Variants in MALRD1 observed in about 807,000 individuals in gnomAD.
The protein encoded by MALRD1 is MAM and LDL-receptor class A domain-containing protein 1.
Under a neutral mutation model 242.1 loss-of-function variants are expected in MALRD1, and 247 were observed. The observed-to-expected ratio is 1.02, with a 90% confidence interval of 0.92 to 1.13. The LOEUF is 1.13. MALRD1 is among the 50% of genes most tolerant of loss of function. MALRD1 has a pLI of 0.00. For missense variants in MALRD1, 2,989 were observed against 2,533.1 expected (o/e 1.18, Z -3.86); for synonymous variants, 995 against 866.6 (o/e 1.15, Z -2.60).
chr10:19,395,016 T>C (rs955942943), intron 28 of MALRD1, among the ~76,000 whole-genome samples: 3 of 152,346 alleles, frequency 2.0e-5, no homozygotes, highest in Middle Eastern at 3.4e-3. Flanking sequence ...TCTCCAAGAC[T>C]ATCATGTGGA....
chr10:19,310,795 A>G (rs1195284943), intron 21 of MALRD1, among the ~76,000 whole-genome samples: 2 of 151,428 alleles, frequency 1.3e-5, no homozygotes, highest in Non-Finnish European at 3.0e-5. Flanking sequence ...GTTCAAGATC[A>G]ACTTTCCTTG....
intron 28 of MALRD1, among the ~76,000 whole-genome samples, chr10:19,422,690 A>C (rs548660832): frequency 3.9e-5 from 6 of 152,306 alleles, no homozygotes; most frequent in African/African-American, 1.4e-4. Flanking sequence ...TCATTTTCTA[A>C]GCCAGATTTC....
Position 19,324,096 on chromosome 10 carries a change from T to C in MALRD1, c.3567T>C (p.Gly1189=). 6.5e-7 allele frequency: 1 copy of C among 1,550,278 alleles called. No homozygotes were observed. The highest frequency in any genetic ancestry group is 8.7e-7 in the Non-Finnish European group (1 of 1,146,724). ...FWTHMNGATV[G]SLQVLIKKDN... is the part of the protein sequence containing the mutation. ...CACATATGAATGGGGCCACCGTTGGTTCTCTCCAGGTACTGCTTAGGCAAT... is the reference window on the plus strand; with the variant it reads ...CACATATGAATGGGGCCACCGTTGGCTCTCTCCAGGTACTGCTTAGGCAAT... Residue 1189 remains glycine (G), a synonymous_variant, in exon 22 of 40, where the codon GGT becomes GGC. Transcript: ENST00000454679.
chr10:19,599,371 A>G (rs1838249124), intron 34 of MALRD1, among the ~76,000 whole-genome samples: 1 of 152,136 alleles, frequency 6.6e-6, no homozygotes, highest in Non-Finnish European at 1.5e-5. Flanking sequence ...TTGTCTTTCC[A>G]CTGGAAACAT....
chr10:19,511,841 C>G (rs367709294), intron 31 of MALRD1, among the ~76,000 whole-genome samples: 13 of 151,802 alleles, frequency 8.6e-5, no homozygotes, highest in Admixed American at 4.6e-4. Flanking sequence ...AGAAAAGAAA[C>G]ACAGAGAAAA....
intron 2 of MALRD1, among the ~76,000 whole-genome samples, chr10:19,086,561 G>C (rs1021001139): frequency 5.1e-4 from 78 of 152,194 alleles, no homozygotes; most frequent in African/African-American, 1.8e-3. Context: ...GCATTTGAAA[G>C]CATCTGGGCT....
intron 18 of MALRD1, among the ~76,000 whole-genome samples, chr10:19,254,228 A>G (rs1839413048): frequency 6.6e-6 from 1 of 151,982 alleles, no homozygotes; most frequent in Non-Finnish European, 1.5e-5. Flanking sequence ...CAGGCTTTTG[A>G]GTCTGGCTTC....
At chr10:19,512,787 A>G (rs1744123076) in intron 31 of MALRD1, among the ~76,000 whole-genome samples, 1 of 152,120 alleles carries the variant, frequency 6.6e-6, no homozygotes, top group African/African-American at 2.4e-5. Context: ...ATGCTTACAA[A>G]CCATTTTAGC....
At position 19,166,502 on chromosome 10, in the gene MALRD1, T is replaced by C. The variant is rs141122700; in HGVS notation, c.1830+692T>C. 1.8e-3 allele frequency among the ~76,000 whole-genome samples: 276 copies of C among 152,266 alleles called. 1 individual carries two copies. The highest frequency in any genetic ancestry group is 3.4e-3 in the Non-Finnish European group (231 of 68,018). On this transcript the variant is annotated intron_variant, in intron 13 of 39. Coordinates refer to ENST00000454679, the MANE Select transcript of MALRD1 (RefSeq NM_001142308.3). ...AGTTAGTTAGATAGAAGAAATAAGCTGTAGTGTTTGATAGCACAGTAGGGC... is the reference window on the plus strand; with the variant it reads ...AGTTAGTTAGATAGAAGAAATAAGCCGTAGTGTTTGATAGCACAGTAGGGC...
intron 26 of MALRD1, among the ~76,000 whole-genome samples, chr10:19,359,842 T>G (rs1844813605): frequency 6.6e-6 from 1 of 152,084 alleles, no homozygotes; most frequent in South Asian, 2.1e-4. Context: ...CATGTAATGT[T>G]AGTCTAAAGA....
intron 33 of MALRD1, among the ~76,000 whole-genome samples, chr10:19,582,197 C>G (rs986679943): frequency 7.2e-5 from 11 of 152,008 alleles, no homozygotes; most frequent in Non-Finnish European, 1.2e-4. Flanking sequence ...ATGGTAGTTT[C>G]TTTTGCTGTG....
chr10:19,254,161 A>G (rs187437878), intron 18 of MALRD1, among the ~76,000 whole-genome samples: 1 of 152,142 alleles, frequency 6.6e-6, no homozygotes, highest in Admixed American at 6.6e-5. Flanking sequence ...AGAGTATTCT[A>G]ATACACCAAA....
In MALRD1 at chr10:19,239,003, C is replaced by T. The variant is rs188737270; in HGVS notation, c.2992-18681C>T. 2.4e-3 allele frequency among the ~76,000 whole-genome samples: 360 copies of T among 150,804 alleles called. 2 individuals carry two copies. Among genetic ancestry groups the T allele is most frequent in the African/African-American group, 8.3e-3 (343 of 41,176 alleles). ...GTTGAACATGATTTTATTATATATT[C>T]GTCTTGACCATTTCTATATTTTCTC... is the stretch of plus-strand genomic sequence containing the variant. On this transcript the variant is annotated intron_variant, in intron 18 of 39. Transcript: ENST00000454679.
intron 24 of MALRD1, 127 bp from the exon 25 acceptor site, chr10:19,347,644 A>C (rs1189060564): frequency 9.0e-7 from 1 of 1,112,432 alleles, no homozygotes; most frequent in East Asian, 2.6e-5. Flanking sequence ...ATATGTTGCT[A>C]TCAGGATAGC....
chr10:19,605,166 T>A lies in MALRD1; in HGVS notation c.5945-2611T>A, dbSNP rs35232397. On this transcript the variant is annotated intron_variant, in intron 34 of 39. Transcript: ENST00000454679. ...ATTTATTTATTTTTTTATTATTATT[T>A]TTTTTTTTTTACAGAATCTTGCTCC... 1.8e-3 allele frequency among the ~76,000 whole-genome samples: 250 copies of A among 140,876 alleles called. 1 individual carries two copies. Among genetic ancestry groups the A allele is most frequent in the Middle Eastern group, 3.9e-3 (1 of 256 alleles). 92.4% of individuals were successfully genotyped at this position (140,876 alleles called of 152,430 possible). A position where few individuals can be genotyped will look rare whatever the true frequency, so the allele number is the denominator to read the frequency against.
intron 18 of MALRD1, among the ~76,000 whole-genome samples, chr10:19,238,790 G>A (rs966894283): frequency 4.7e-5 from 7 of 149,386 alleles, no homozygotes; most frequent in East Asian, 2.0e-4. Flanking sequence ...ATTTTTTAAC[G>A]AACTTCCATA....
intron 31 of MALRD1, among the ~76,000 whole-genome samples, chr10:19,515,330 T>C (rs1833577108): frequency 6.6e-6 from 1 of 152,118 alleles, no homozygotes; most frequent in Non-Finnish European, 1.5e-5. Flanking sequence ...GATTGGCAAA[T>C]CTATGAATCA....
At chr10:19,625,359 A>G (rs1164746071) in intron 36 of MALRD1, among the ~76,000 whole-genome samples, 2 of 151,840 alleles carry the variant, frequency 1.3e-5, no homozygotes, top group African/African-American at 4.8e-5. Flanking sequence ...TCCTATGAAA[A>G]TTCATATGGT....
At chr10:19,667,709 C>A (rs1369522031) in intron 36 of MALRD1, among the ~76,000 whole-genome samples, 1 of 152,092 alleles carries the variant, frequency 6.6e-6, no homozygotes, top group African/African-American at 2.4e-5. Flanking sequence ...TGAGGCTTCA[C>A]CAGAAGCTGA....
Sources: allele counts gnomAD v4.1 joint callset (sites outside exome capture counted in the v4.1 genomes callset), GRCh38; gene constraint gnomAD v4.1.1; transcripts MANE v1.5; gene names NCBI Gene and HGNC (gene_info 2026-07-23, HGNC 2026-07-21).